The following CNBD1 variants were observed in gnomAD, a reference collection of about 807,000 sequenced individuals.
The protein encoded by CNBD1 is cyclic nucleotide binding domain containing 1.
In CNBD1, 71 loss-of-function variants were observed where a neutral mutation model predicts 54.4. The observed-to-expected ratio is 1.30, with a 90% confidence interval of 1.08 to 1.59. The LOEUF is 1.59. Among genes scored for constraint, CNBD1 ranks in the 40% most tolerant of loss-of-function variants. CNBD1 has a pLI of 0.00. For synonymous variants in CNBD1, 182 were observed against 170.7 expected (o/e 1.07, Z -0.51); for missense variants, 659 against 518.0 (o/e 1.27, Z -2.64).
chr8:87,150,019 T>C (rs1812569620), intron 4 of CNBD1, among the ~76,000 whole-genome samples: 1 of 151,708 alleles, frequency 6.6e-6, no homozygotes, highest in African/African-American at 2.4e-5. Context: ...ACCAAAAAAA[T>C]ATAAAAACTT....
At chr8:87,095,713 C>T (rs1041461602) in intron 4 of CNBD1, among the ~76,000 whole-genome samples, 6 of 152,042 alleles carry the variant, frequency 3.9e-5, no homozygotes, top group Non-Finnish European at 5.9e-5. Context: ...GCTGGAGAGC[C>T]GTGGCACGAT....
chr8:87,260,103 A>G (rs1425094357), intron 6 of CNBD1, among the ~76,000 whole-genome samples: 1 of 152,198 alleles, frequency 6.6e-6, no homozygotes, highest in Non-Finnish European at 1.5e-5. Flanking sequence ...CTACTGAGCT[A>G]CAGCACAGGC....
chr8:87,225,714 G>A (rs932737097), intron 5 of CNBD1, among the ~76,000 whole-genome samples: 1 of 151,940 alleles, frequency 6.6e-6, no homozygotes, highest in Non-Finnish European at 1.5e-5. Flanking sequence ...TTTTGGTTGT[G>A]TCTCTGCTCG....
chr8:87,329,406 C>T (rs1250394034), intron 8 of CNBD1, among the ~76,000 whole-genome samples: 1 of 152,094 alleles, frequency 6.6e-6, no homozygotes, highest in Admixed American at 6.5e-5. Flanking sequence ...TCTCCATACA[C>T]AGTTTTGAAT....
chr8:87,255,624 T>C (rs1396405501), intron 6 of CNBD1, among the ~76,000 whole-genome samples: 1 of 151,786 alleles, frequency 6.6e-6, no homozygotes, highest in African/African-American at 2.4e-5. Context: ...TACAAATCTT[T>C]TCCTCAGTCA....
chr8:87,425,335 C>G (rs528902144), intron 2 of CNBD1, among the ~76,000 whole-genome samples: 1 of 152,202 alleles, frequency 6.6e-6, no homozygotes, highest in Non-Finnish European at 1.5e-5. Context: ...AGTCATTCTC[C>G]GTCCAGCTTT....
At chr8:86,937,372 A>C (rs1809567682) in intron 3 of CNBD1, among the ~76,000 whole-genome samples, 1 of 152,164 alleles carries the variant, frequency 6.6e-6, no homozygotes, top group African/African-American at 2.4e-5. Flanking sequence ...AAACCATATC[A>C]TTCTGACTCT....
At chr8:87,385,835 AC>A (rs1811172049), downstream of CNBD1, among the ~76,000 whole-genome samples, 1 of 152,010 alleles carries the variant, frequency 6.6e-6, no homozygotes, top group Non-Finnish European at 1.5e-5. Flanking sequence ...TGGGTCCCTG[AC>A]CCCCGAGTAG....
chr8:87,324,579 G>C (rs966227886), intron 8 of CNBD1, among the ~76,000 whole-genome samples: 1 of 144,960 alleles, frequency 6.9e-6, no homozygotes, highest in African/African-American at 2.7e-5. Flanking sequence ...AGATTTTCTA[G>C]TTTATTTGCG....
intron 8 of CNBD1, among the ~76,000 whole-genome samples, chr8:87,315,118 T>C (rs1176923341): frequency 6.6e-6 from 1 of 151,002 alleles, no homozygotes; most frequent in Non-Finnish European, 1.5e-5. Flanking sequence ...ATTGAAGAAC[T>C]AAGTCAGAAA....
intron 2 of CNBD1, among the ~76,000 whole-genome samples, chr8:87,396,446 A>G (rs1252508435): frequency 1.3e-5 from 2 of 151,984 alleles, no homozygotes; most frequent in African/African-American, 4.8e-5. Flanking sequence ...TGCCTTAAAC[A>G]TGTGTTATTT....
At chr8:87,078,708 G>T (rs894479242) in intron 4 of CNBD1, among the ~76,000 whole-genome samples, 2 of 152,120 alleles carry the variant, frequency 1.3e-5, no homozygotes, top group Non-Finnish European at 2.9e-5. Context: ...CACAGGAAAA[G>T]AAAATTAGGG....
At chr8:87,095,266 G>A (rs1037841879) in intron 4 of CNBD1, among the ~76,000 whole-genome samples, 5 of 152,150 alleles carry the variant, frequency 3.3e-5, no homozygotes, top group Non-Finnish European at 5.9e-5. Context: ...GGACTAAGAC[G>A]TTGGTTAGTT....
chr8:87,023,935 C>A (rs145522390), intron 4 of CNBD1, among the ~76,000 whole-genome samples: 1,639 of 152,246 alleles, frequency 0.011, 13 homozygotes, highest in Non-Finnish European at 0.018. Flanking sequence ...TGACTCATTT[C>A]GTATTGAAAG....
At chr8:86,978,905 A>G (rs1808405566) in intron 4 of CNBD1, among the ~76,000 whole-genome samples, 1 of 152,124 alleles carries the variant, frequency 6.6e-6, no homozygotes. Flanking sequence ...TTCTGGAAAA[A>G]AGTATAATCT....
intron 8 of CNBD1, among the ~76,000 whole-genome samples, chr8:87,322,093 G>T (rs948294038): frequency 1.6e-5 from 2 of 126,982 alleles, no homozygotes; most frequent in Non-Finnish European, 3.4e-5. Flanking sequence ...TGAGAATGAT[G>T]ATTTCCAGTT....
intron 6 of CNBD1, among the ~76,000 whole-genome samples, chr8:87,272,769 A>G (rs929754145): frequency 6.6e-6 from 1 of 152,022 alleles, no homozygotes; most frequent in Non-Finnish European, 1.5e-5. Flanking sequence ...ATGAATACAT[A>G]TAAAGTATGC....
chr8:87,005,375 A>T (rs1363202378), intron 4 of CNBD1, among the ~76,000 whole-genome samples: 2 of 152,094 alleles, frequency 1.3e-5, no homozygotes, highest in African/African-American at 4.8e-5. Context: ...GTCTCAAAAA[A>T]AAAAAAGTCT....
At chr8:87,295,432 C>G (rs1808861047) in intron 8 of CNBD1, among the ~76,000 whole-genome samples, 1 of 151,408 alleles carries the variant, frequency 6.6e-6, no homozygotes, top group Non-Finnish European at 1.5e-5. Context: ...AAATAATTAT[C>G]CAGCTGCTAG....
Sources: gnomAD v4.1 joint callset for allele counts (sites outside exome capture counted in the v4.1 genomes callset) on GRCh38, gnomAD v4.1.1 for gene constraint, MANE v1.5 for transcripts, NCBI Gene and HGNC (gene_info 2026-07-23, HGNC 2026-07-21) for gene names.